TEX9: variants seen among roughly 807,000 people sequenced by gnomAD.
TEX9 encodes testis-expressed protein 9.
Under a neutral mutation model 59.6 loss-of-function variants are expected in TEX9, and 74 were observed. The ratio of observed to expected loss-of-function variants is 1.24; its 90% CI spans 1.03 to 1.51. The LOEUF (loss-of-function observed/expected upper bound fraction) is 1.51, where lower values mean the gene tolerates loss of function less well. Ranked by LOEUF, TEX9 falls within the 40% of genes most tolerant of loss-of-function variation. The pLI is 0.00. For missense variants in TEX9, 522 were observed against 447.8 expected (o/e 1.17, Z -1.49); for synonymous variants, 186 against 152.2 (o/e 1.22, Z -1.64).
chr15:56,356,988 G>A (rs1159459827), intron 1 of TEX9, among the ~76,000 whole-genome samples: 6 of 151,924 alleles, frequency 3.9e-5, no homozygotes, highest in Non-Finnish European at 8.8e-5. Context: ...CCATTTAGTC[G>A]GTCTAATCAA....
intron 12 of TEX9, chr15:56,434,089 A>G: frequency 6.4e-7 from 1 of 1,566,750 alleles, no homozygotes; most frequent in Non-Finnish European, 8.7e-7. Flanking sequence ...TAGATGAGCT[A>G]TTGCTGTTTA....
intron 3 of TEX9, among the ~76,000 whole-genome samples, chr15:56,376,555 C>T (rs548206382): frequency 1.3e-5 from 2 of 152,046 alleles, no homozygotes; most frequent in African/African-American, 4.8e-5. Flanking sequence ...GTGTGTTTTT[C>T]TTGAGAAATG....
At chr15:56,371,081 C>T (rs1334981280) in intron 2 of TEX9, among the ~76,000 whole-genome samples, 1 of 152,032 alleles carries the variant, frequency 6.6e-6, no homozygotes, top group Non-Finnish European at 1.5e-5. Context: ...GGTCTCCTGG[C>T]CTCAAGTGAT....
At chr15:56,270,000 G>C (rs1364495479) in intron 1 of TEX9, among the ~76,000 whole-genome samples, 4 of 152,074 alleles carry the variant, frequency 2.6e-5, no homozygotes, top group African/African-American at 9.7e-5. Context: ...ATTGCACTGT[G>C]GTCTGAGAGA....
chr15:56,352,956 T>C (rs1306910402), intron 1 of TEX9, among the ~76,000 whole-genome samples: 2 of 152,200 alleles, frequency 1.3e-5, no homozygotes, highest in African/African-American at 4.8e-5. Flanking sequence ...TCTCTCCCAC[T>C]TGGTGCATTG....
intron 12 of TEX9, among the ~76,000 whole-genome samples, chr15:56,440,947 A>G (rs1320842675): frequency 6.6e-6 from 1 of 152,132 alleles, no homozygotes; most frequent in Non-Finnish European, 1.5e-5. Flanking sequence ...TGCTGCATAA[A>G]CATTTGTGTA....
chr15:56,372,934 GTAT>G (rs1161783852), intron 2 of TEX9, among the ~76,000 whole-genome samples: 2 of 152,106 alleles, frequency 1.3e-5, no homozygotes, highest in East Asian at 3.9e-4. Flanking sequence ...TGATATTAAA[GTAT>G]GTATCTGAGG....
At chr15:56,450,571 C>T (rs1038113133), downstream of TEX9, among the ~76,000 whole-genome samples, 3 of 152,130 alleles carry the variant, frequency 2.0e-5, no homozygotes, top group East Asian at 5.8e-4. Flanking sequence ...AATATTTTAG[C>T]ATGTATCAGT....
intron 12 of TEX9, among the ~76,000 whole-genome samples, chr15:56,435,687 C>T (rs1439729090): frequency 2.0e-5 from 3 of 151,916 alleles, no homozygotes; most frequent in Admixed American, 2.0e-4. Context: ...ACTTAAAATT[C>T]CTCCAAAATA....
chr15:56,445,621 T>C (rs1457443848), intron 12 of TEX9: 1 of 152,042 alleles, frequency 6.6e-6, no homozygotes, highest in Non-Finnish European at 1.5e-5. Flanking sequence ...CAATAACATT[T>C]ATGTGTAGAT....
chr15:56,256,385 T>C (rs1702193930), intron 1 of TEX9, among the ~76,000 whole-genome samples: 1 of 151,988 alleles, frequency 6.6e-6, no homozygotes, highest in South Asian at 2.1e-4. Flanking sequence ...GTGAAAACAA[T>C]ACAAATCAAA....
intron 12 of TEX9, chr15:56,434,403 A>C: frequency 6.2e-7 from 1 of 1,602,520 alleles, no homozygotes; most frequent in Non-Finnish European, 8.5e-7. Context: ...TTCCTAAACA[A>C]TACAGCTGAA....
intron 2 of TEX9, among the ~76,000 whole-genome samples, chr15:56,367,973 TG>T (rs2047022139): frequency 6.6e-6 from 1 of 152,208 alleles, no homozygotes; most frequent in Admixed American, 6.5e-5. Context: ...TTGATCATTT[TG>T]TCCCTTGATA....
intron 1 of TEX9, among the ~76,000 whole-genome samples, chr15:56,319,443 A>T (rs2045854098): frequency 6.6e-6 from 1 of 151,998 alleles, no homozygotes; most frequent in South Asian, 2.1e-4. Context: ...CTCTGATTGC[A>T]GATTTCAGAA....
At chr15:56,325,430 C>G (rs2046001030) in intron 1 of TEX9, among the ~76,000 whole-genome samples, 1 of 152,198 alleles carries the variant, frequency 6.6e-6, no homozygotes, top group South Asian at 2.1e-4. Context: ...CTCGAGATTC[C>G]AAAGGCATTA....
chr15:56,443,513 G>C, intron 12 of TEX9: 1 of 1,597,974 alleles, frequency 6.3e-7, no homozygotes, highest in Admixed American at 1.8e-5. Flanking sequence ...CGTTGCCGCA[G>C]CATTTCTTCT....
intron 1 of TEX9, among the ~76,000 whole-genome samples, chr15:56,316,487 T>G (rs1272015602): frequency 6.7e-6 from 1 of 150,004 alleles, no homozygotes; most frequent in Non-Finnish European, 1.5e-5. Flanking sequence ...GGGACCCACT[T>G]GAGGAGGCAG....
intron 10 of TEX9, among the ~76,000 whole-genome samples, chr15:56,423,807 G>A (rs1596233729): frequency 6.6e-6 from 1 of 152,080 alleles, no homozygotes; most frequent in South Asian, 2.1e-4. Context: ...GGGGGAACAG[G>A]TGGTGTTGGT....
downstream of TEX9, among the ~76,000 whole-genome samples, chr15:56,446,157 CAT>C (rs1477232586): frequency 3.4e-4 from 51 of 151,756 alleles, no homozygotes; most frequent in African/African-American, 1.1e-3. Context: ...TGTGTGTGTA[CAT>C]ATGTTTATGT....
Sources: allele counts gnomAD v4.1 joint callset (sites outside exome capture counted in the v4.1 genomes callset), GRCh38; gene constraint gnomAD v4.1.1; transcripts MANE v1.5; gene names NCBI Gene and HGNC (gene_info 2026-07-23, HGNC 2026-07-21).